LOXHD1: variants seen among roughly 807,000 people sequenced by gnomAD.
The protein encoded by LOXHD1 is lipoxygenase homology PLAT domains 1.
LOXHD1 carries 205 observed loss-of-function variants against 248.2 expected under a neutral mutation model. That is an observed-to-expected ratio of 0.83 (90% CI 0.74 to 0.93). LOXHD1 has a LOEUF of 0.93. LOXHD1 is among the 40% of genes least tolerant of loss of function. The pLI is 0.00. For synonymous variants in LOXHD1, 1,113 were observed against 1,162.8 expected (o/e 0.96, Z 0.87); for missense variants, 2,930 against 2,971.6 (o/e 0.99, Z 0.33).
intron 14 of LOXHD1, among the ~76,000 whole-genome samples, chr18:46,574,821 G>A (rs1047488506): frequency 1.3e-5 from 2 of 152,126 alleles, no homozygotes; most frequent in Non-Finnish European, 2.9e-5. Context: ...GACCAGACAA[G>A]GGATTGGGTC....
chr18:46,531,545 A>G (rs914954727), intron 28 of LOXHD1, among the ~76,000 whole-genome samples: 1 of 151,644 alleles, frequency 6.6e-6, no homozygotes, highest in Non-Finnish European at 1.5e-5. Context: ...CTGTGTCCCC[A>G]GGGGCTGGGA....
chr18:46,569,701 G>C (rs1283077628), intron 15 of LOXHD1, 63 bp from the exon 16 acceptor site: 2 of 1,390,550 alleles, frequency 1.4e-6, no homozygotes, highest in African/African-American at 2.9e-5. Context: ...CAGGAAGCAG[G>C]GTGCGTGTAT....
intron 21 of LOXHD1, among the ~76,000 whole-genome samples, chr18:46,552,014 G>A (rs1252115234): frequency 6.6e-6 from 1 of 152,146 alleles, no homozygotes; most frequent in East Asian, 1.9e-4. Flanking sequence ...AAGTCATAGA[G>A]ACAAAAAGTG....
intron 19 of LOXHD1, 35 bp downstream of exon 19, chr18:46,560,048 T>TGGCGGC: frequency 8.2e-7 from 1 of 1,226,296 alleles, no homozygotes; most frequent in Non-Finnish European, 1.1e-6. Context: ...GTCTGGCCAC[T>TGGCGGC]CCCTCCCCAC....
At chr18:46,565,834 A>G (rs557203085) in intron 17 of LOXHD1, among the ~76,000 whole-genome samples, 1 of 152,236 alleles carries the variant, frequency 6.6e-6, no homozygotes, top group South Asian at 2.1e-4. Context: ...TTGATCCTCG[A>G]TTGAATCCAC....
chr18:46,591,746 G>A lies in LOXHD1; in HGVS notation c.1654+187C>T, dbSNP rs139482142. Among the ~76,000 whole-genome samples, 748 of 152,226 alleles carry A rather than the reference G, an allele frequency of 4.9e-3. 6 individuals carry two copies. Among genetic ancestry groups the A allele is most frequent in the African/African-American group, 0.017 (716 of 41,514 alleles). ...ACCACACCAATCATGGTAGAGCTCCGGCATCATGACTTGGAGATGGCTTTT... is the reference window on the plus strand; with the variant it reads ...ACCACACCAATCATGGTAGAGCTCCAGCATCATGACTTGGAGATGGCTTTT... On this transcript the variant is annotated intron_variant, in intron 12 of 40. Coordinates refer to ENST00000642948, the MANE Select transcript of LOXHD1 (RefSeq NM_001384474.1).
At chr18:46,565,917 T>G (rs192027483) in intron 17 of LOXHD1, among the ~76,000 whole-genome samples, 8 of 152,334 alleles carry the variant, frequency 5.3e-5, no homozygotes, top group African/African-American at 1.7e-4. Context: ...TAAAGAGTTT[T>G]GTCTCCTCAG....
intron 18 of LOXHD1, among the ~76,000 whole-genome samples, chr18:46,562,198 C>T (rs1374886983): frequency 2.0e-5 from 3 of 152,218 alleles, no homozygotes; most frequent in Admixed American, 1.3e-4. Flanking sequence ...CAATGAGGCT[C>T]CTTCCAGCTC....
intron 2 of LOXHD1, among the ~76,000 whole-genome samples, chr18:46,644,312 G>A (rs932184278): frequency 4.6e-5 from 7 of 152,208 alleles, no homozygotes; most frequent in African/African-American, 1.7e-4. Context: ...TGACTTGGAA[G>A]GAAAGCAGCT....
intron 4 of LOXHD1, among the ~76,000 whole-genome samples, chr18:46,628,960 C>T (rs1228385380): frequency 6.6e-6 from 1 of 152,168 alleles, no homozygotes; most frequent in Non-Finnish European, 1.5e-5. Context: ...AGTCCAGAGA[C>T]CGAGTCCATG....
At chr18:46,627,887 T>A (rs1211291502) in intron 4 of LOXHD1, among the ~76,000 whole-genome samples, 1 of 152,192 alleles carries the variant, frequency 6.6e-6, no homozygotes, top group Non-Finnish European at 1.5e-5. Flanking sequence ...GAATATTCTA[T>A]CCCTTTGCAC....
intron 12 of LOXHD1, among the ~76,000 whole-genome samples, chr18:46,586,069 A>G (rs951558457): frequency 5.3e-5 from 8 of 152,360 alleles, no homozygotes; most frequent in Non-Finnish European, 1.2e-4. Flanking sequence ...ATTCAGCAAT[A>G]AAAAGAACGG....
intron 28 of LOXHD1, among the ~76,000 whole-genome samples, chr18:46,530,257 G>A (rs2036003576): frequency 6.6e-6 from 1 of 152,134 alleles, no homozygotes; most frequent in South Asian, 2.1e-4. Context: ...AACTTCCCTT[G>A]TCCTGGGAGG....
At chr18:46,578,375 G>C (rs904298133) in intron 13 of LOXHD1, among the ~76,000 whole-genome samples, 1 of 152,202 alleles carries the variant, frequency 6.6e-6, no homozygotes, top group African/African-American at 2.4e-5. Flanking sequence ...CTGAAGGTGG[G>C]ATTGATGGAC....
chr18:46,625,255 G>T (rs1169194818), intron 4 of LOXHD1, among the ~76,000 whole-genome samples: 1 of 152,148 alleles, frequency 6.6e-6, no homozygotes, highest in Non-Finnish European at 1.5e-5. Flanking sequence ...TGTGTGCGTT[G>T]TTCCTTTAGC....
intron 12 of LOXHD1, among the ~76,000 whole-genome samples, chr18:46,587,673 C>A (rs1367555303): frequency 6.6e-6 from 1 of 152,214 alleles, no homozygotes; most frequent in Non-Finnish European, 1.5e-5. Context: ...AAAATTACAG[C>A]TCTGATTAAC....
chr18:46,540,807 G>A (rs1315692821), intron 25 of LOXHD1, among the ~76,000 whole-genome samples: 1 of 152,044 alleles, frequency 6.6e-6, no homozygotes, highest in Non-Finnish European at 1.5e-5. Context: ...GGTGACTCCT[G>A]GGAATAGAGG....
chr18:46,533,152 C>A lies in LOXHD1; in HGVS notation c.4375+10G>T, dbSNP rs1226327017. On this transcript the variant is annotated intron_variant, in intron 28 of 40. Transcript: ENST00000642948. ...TCCCATGGTGATGAGGGTGGCCACA[C>A]CACACTTACTGTCCAGAGGCTCTTC... is the stretch of plus-strand genomic sequence containing the variant. The A allele has an allele frequency of 6.4e-7, 1 of 1,551,592 alleles. No homozygotes were observed. Among genetic ancestry groups the A allele is most frequent in the African/African-American group, 1.4e-5 (1 of 73,170 alleles).
At chr18:46,650,735 G>A (rs185771060) in intron 1 of LOXHD1, among the ~76,000 whole-genome samples, 15 of 152,326 alleles carry the variant, frequency 9.8e-5, no homozygotes, top group African/African-American at 3.1e-4. Flanking sequence ...CATAAATAAC[G>A]TGGAGTGTTG....
Sources: allele counts gnomAD v4.1 joint callset (sites outside exome capture counted in the v4.1 genomes callset), GRCh38; gene constraint gnomAD v4.1.1; transcripts MANE v1.5; gene names NCBI Gene and HGNC (gene_info 2026-07-23, HGNC 2026-07-21).